PIK3C2A: variants seen among roughly 807,000 people sequenced by gnomAD.
PIK3C2A encodes the protein phosphatidylinositol 4-phosphate 3-kinase C2 domain-containing subunit alpha.
A neutral mutation model predicts 204.5 loss-of-function variants in PIK3C2A; 97 were observed. The observed-to-expected ratio is 0.47, with a 90% CI of 0.40 to 0.56. PIK3C2A has a LOEUF of 0.56. Among genes scored for constraint, PIK3C2A ranks in the 20% least tolerant of loss-of-function variants. The pLI, the probability that PIK3C2A is intolerant of heterozygous loss-of-function variation, is 0.00. For synonymous variants in PIK3C2A, 653 were observed against 664.4 expected, an observed-to-expected ratio of 0.98 and a Z score of 0.26; for missense variants, 1,735 against 1,969.2, an observed-to-expected ratio of 0.88 and a Z score of 2.25.
intron 8 of PIK3C2A, among the ~76,000 whole-genome samples, chr11:17,143,630 A>G (rs924236245): frequency 1.8e-4 from 28 of 151,960 alleles, no homozygotes; most frequent in African/African-American, 6.8e-4. Context: ...TGTTAAAAAA[A>G]AAAAAAACAA....
intron 27 of PIK3C2A, among the ~76,000 whole-genome samples, chr11:17,096,660 G>A (rs1485450910): frequency 6.6e-6 from 1 of 152,184 alleles, no homozygotes; most frequent in African/African-American, 2.4e-5. Flanking sequence ...GCACAAGGGT[G>A]AAAAGTAGCA....
chr11:17,114,213 G>C (rs971540248), intron 20 of PIK3C2A, 148 bp downstream of exon 20: 24 of 436,928 alleles, frequency 5.5e-5, no homozygotes, highest in Non-Finnish European at 8.2e-5. Context: ...AATATGCTAA[G>C]ATAAATATGG....
At position 17,102,714 on chromosome 11, in the gene PIK3C2A, T is replaced by C. The variant is rs776022719; in HGVS notation, c.3799A>G (p.Ile1267Val). Residue 1267 changes from isoleucine (I) to valine (V), a missense_variant, in exon 24 of 33, where the codon ATT (isoleucine) becomes GTT (valine). By Grantham distance (29) the Ile-to-Val change is conservative. Coordinates refer to ENST00000691414, the MANE Select transcript of PIK3C2A (RefSeq NM_002645.4). Reference sequence around the variant, plus strand: ...TGTCCCAAAAACTTTCCAAAGTCAATGTGAAACATGTGTCCCGTGCTTCGA... The same window carrying C: ...TGTCCCAAAAACTTTCCAAAGTCAACGTGAAACATGTGTCCCGTGCTTCGA... ...MLRSTGHMFH[I>V]DFGKFLGHAQ... is the part of the protein sequence containing the mutation. 4 of 1,613,712 alleles carry C rather than the reference T, an allele frequency of 2.5e-6. No homozygotes were observed. Among genetic ancestry groups the C allele is most frequent in the African/African-American group, 1.3e-5 (1 of 74,918 alleles).
In PIK3C2A at chr11:17,089,556, GTGAC is replaced by G. The variant is rs1848235796; in HGVS notation, c.*178_*181del. On this transcript the variant is annotated 3_prime_UTR_variant, in exon 33 of 33. Coordinates refer to ENST00000691414, the MANE Select transcript of PIK3C2A (RefSeq NM_002645.4). The stretch of plus-strand genomic sequence containing the variant: ...CCAAAAATTCAAAAAGGTTAGTTAT[GTGAC>G]TGTTGGTCCAACAGATGTGTTGAAA... 1 of 509,732 alleles carries G rather than the reference GTGAC, an allele frequency of 2.0e-6. No individual in the cohort carries two copies. Among genetic ancestry groups the G allele is most frequent in the Non-Finnish European group, 3.5e-6 (1 of 288,648 alleles). 31.6% of individuals were successfully genotyped at this position (509,732 alleles called of 1,614,324 possible).
intron 1 of PIK3C2A, among the ~76,000 whole-genome samples, chr11:17,180,049 A>G (rs559105583): frequency 6.6e-6 from 1 of 152,342 alleles, no homozygotes; most frequent in South Asian, 2.1e-4. Flanking sequence ...ATCTTTTAAA[A>G]TAACTTTTGT....
rs964500917 is a variant in PIK3C2A, at chr11:17,089,091, G to A, written c.*647C>T. 2.0e-5 allele frequency: 3 copies of A among 152,280 alleles called. No individual in the cohort carries two copies. Among genetic ancestry groups the A allele is most frequent in the Admixed American group, 6.5e-5 (1 of 15,294 alleles). The allele number at this position is 152,280 out of a possible 1,614,324, so 9.4% of individuals were successfully genotyped here. ...TCAAATCAGGAAAAAAATCAGAAAC[G>A]AAGTGCCAGGGAAGCATATAAAGTT... On this transcript the variant is annotated 3_prime_UTR_variant, in exon 33 of 33. Coordinates refer to ENST00000691414, the MANE Select transcript of PIK3C2A (RefSeq NM_002645.4).
At position 17,097,152 on chromosome 11, in the gene PIK3C2A, A is replaced by G. The variant is rs983105571; in HGVS notation, c.4231T>C (p.Phe1411Leu). ...CTAAAGGAGTATGTTTTAGGTGAAA[A>G]TGAAAGGATGGGCTCATCATTAGAA... ...LPSNDEPILSFSPKTYSFRQD... is the reference protein window; with the variant it reads ...LPSNDEPILSLSPKTYSFRQD... The change falls in exon 27 of 33, where the codon TTT becomes CTT. Residue 1411 changes from phenylalanine to leucine, a missense_variant. Coordinates refer to ENST00000691414, the MANE Select transcript of PIK3C2A (RefSeq NM_002645.4). 2.5e-6 allele frequency: 4 copies of G among 1,611,298 alleles called. No homozygotes were observed. The highest frequency in any genetic ancestry group is 4.5e-5 in the East Asian group (2 of 44,820).
Position 17,102,731 on chromosome 11 carries a change from G to C in PIK3C2A, c.3782C>G (p.Thr1261Arg). The stretch of plus-strand genomic sequence containing the variant: ...AAAGTCAATGTGAAACATGTGTCCC[G>C]TGCTTCGAAGCATTATATTGTCATT... ...RHNDNIMLRS[T>R]GHMFHIDFGK... Residue 1261 changes from threonine to arginine, a missense_variant, in exon 24 of 33, where the codon ACG (threonine) becomes AGG (arginine). By Grantham distance (71) the Thr-to-Arg change is moderately conservative (BLOSUM62 -1). Around this residue, in one of 6 missense-constraint regions of PIK3C2A, gnomAD observed 503 missense variants for 669.0 expected, o/e 0.75. Coordinates refer to ENST00000691414, the MANE Select transcript of PIK3C2A (RefSeq NM_002645.4). 2 of 1,613,580 alleles carry C rather than the reference G, an allele frequency of 1.2e-6. No individual in the cohort carries two copies. Among genetic ancestry groups the C allele is most frequent in the Non-Finnish European group, 1.7e-6 (2 of 1,179,646 alleles).
At chr11:17,123,880 GA>G (rs1849439578) in intron 13 of PIK3C2A, among the ~76,000 whole-genome samples, 1 of 152,090 alleles carries the variant, frequency 6.6e-6, no homozygotes, top group Non-Finnish European at 1.5e-5. Context: ...AGAAATTTCT[GA>G]AAACAACGTA....
At chr11:17,131,892 TA>T (rs760055662) in intron 12 of PIK3C2A, 23 bp downstream of exon 12, 1 of 1,593,212 alleles carries the variant, frequency 6.3e-7, no homozygotes, top group South Asian at 1.1e-5. Context: ...ACTGAAAGAA[TA>T]AAAAGCCAGA....
At chr11:17,094,595 G>A (rs916632363) in intron 27 of PIK3C2A, among the ~76,000 whole-genome samples, 4 of 152,000 alleles carry the variant, frequency 2.6e-5, no homozygotes, top group African/African-American at 9.7e-5. Flanking sequence ...ATAGTGGTGC[G>A]TGCCTGTAAT....
At position 17,092,206 on chromosome 11, in the gene PIK3C2A, T is replaced by G; in HGVS notation, c.4522A>C (p.Asn1508His). 1 of 1,608,668 alleles carries G rather than the reference T, an allele frequency of 6.2e-7. No homozygotes were observed. Among genetic ancestry groups the G allele is most frequent in the Non-Finnish European group, 8.5e-7 (1 of 1,175,032 alleles). The change falls in exon 29 of 33, where the codon AAC becomes CAC. Residue 1508 changes from asparagine (N) to histidine (H), a missense_variant. This residue lies in a region of PIK3C2A where 503 missense variants were observed against 669.0 expected (regional missense o/e 0.75). Transcript: ENST00000691414. Reference protein sequence around the residue: ...DVAAKRKIELNSYLQSLMNAS... With the variant: ...DVAAKRKIELHSYLQSLMNAS... ...TTCATCAAACTCTGTAAGTAACTGTTTAACTCAATTTTCCTTTTGGCTGCT... is the reference window on the plus strand; with the variant it reads ...TTCATCAAACTCTGTAAGTAACTGTGTAACTCAATTTTCCTTTTGGCTGCT...
Position 17,091,476 on chromosome 11 carries a change from T to A in PIK3C2A, c.4753-17A>T. ...TTCAGTAACCTAAAAAGAAAAGCAG[T>A]CCCTTAATAGTAATGCTTCCTACCA... On this transcript the variant is annotated splice_polypyrimidine_tract_variant and intron_variant, in intron 31 of 32. Transcript: ENST00000691414. 1 of 1,611,110 alleles carries A rather than the reference T, an allele frequency of 6.2e-7. No individual in the cohort carries two copies.
intron 2 of PIK3C2A, among the ~76,000 whole-genome samples, chr11:17,161,100 T>A (rs1850762119): frequency 6.6e-6 from 1 of 152,190 alleles, no homozygotes; most frequent in African/African-American, 2.4e-5. Flanking sequence ...CAAAAATTTA[T>A]CATTAATACT....
chr11:17,098,537 T>C (rs1206499112), intron 26 of PIK3C2A, among the ~76,000 whole-genome samples: 1 of 152,232 alleles, frequency 6.6e-6, no homozygotes, highest in Non-Finnish European at 1.5e-5. Context: ...TATTTTGTTA[T>C]GGAAGTCTAA....
intron 22 of PIK3C2A, among the ~76,000 whole-genome samples, chr11:17,106,243 CACT>C (rs1848811923): frequency 6.6e-6 from 1 of 151,684 alleles, no homozygotes; most frequent in African/African-American, 2.4e-5. Flanking sequence ...AAAACCCCAC[CACT>C]ACTAAAAATA....
At chr11:17,128,108 C>T in intron 13 of PIK3C2A, among the ~76,000 whole-genome samples, 1 of 152,204 alleles carries the variant, frequency 6.6e-6, no homozygotes, top group East Asian at 1.9e-4. Context: ...ACCTATGTAG[C>T]ACTCAGATGA....
chr11:17,201,405 T>A (rs1852370211), intron 1 of PIK3C2A, among the ~76,000 whole-genome samples: 1 of 149,888 alleles, frequency 6.7e-6, no homozygotes, highest in Non-Finnish European at 1.5e-5. Context: ...CGTGTGCCTG[T>A]AATCCCAGCT....
intron 27 of PIK3C2A, among the ~76,000 whole-genome samples, chr11:17,095,524 G>A (rs1457158481): frequency 6.6e-6 from 1 of 151,652 alleles, no homozygotes; most frequent in East Asian, 1.9e-4. Flanking sequence ...CCGGGAGGCA[G>A]AGCTTGCAGT....
Sources: gnomAD v4.1 joint callset for allele counts (sites outside exome capture counted in the v4.1 genomes callset) on GRCh38, gnomAD v4.1.1 for gene constraint, gnomAD v4.1.1 regional missense constraint, MANE v1.5 for transcripts, NCBI Gene and HGNC (gene_info 2026-07-23, HGNC 2026-07-21) for gene names.